PKP2: variants seen among roughly 807,000 people sequenced by gnomAD.
PKP2 encodes plakophilin-2.
A neutral mutation model predicts 83.4 loss-of-function variants in PKP2; 73 were observed. The ratio of observed to expected loss-of-function variants is 0.88; its 90% CI spans 0.72 to 1.06. The LOEUF (loss-of-function observed/expected upper bound fraction) is 1.06. Among genes scored for constraint, PKP2 ranks in the 50% least tolerant of loss-of-function variants. PKP2 has a pLI of 0.00. For synonymous variants in PKP2, 409 were observed against 430.4 expected, an observed-to-expected ratio of 0.95 and a Z score of 0.62; for missense variants, 966 against 1,065.4, an observed-to-expected ratio of 0.91 and a Z score of 1.30.
At chr12:32,795,346 T>G (rs1340687449) in intron 11 of PKP2, among the ~76,000 whole-genome samples, 1 of 151,924 alleles carries the variant, frequency 6.6e-6, no homozygotes, top group Non-Finnish European at 1.5e-5. Context: ...ACCCCCTGAC[T>G]GCTTCTCCTG....
chr12:32,890,674 A>C (rs1957069145), intron 1 of PKP2, among the ~76,000 whole-genome samples: 1 of 152,126 alleles, frequency 6.6e-6, no homozygotes, highest in South Asian at 2.1e-4. Context: ...GAAAAGATAC[A>C]CAGGCCGGGT....
chr12:32,797,027 A>G (rs1224539231), intron 10 of PKP2, among the ~76,000 whole-genome samples: 1 of 152,188 alleles, frequency 6.6e-6, no homozygotes, highest in Non-Finnish European at 1.5e-5. Context: ...TGATTAACTA[A>G]AACACACCTG....
intron 11 of PKP2, among the ~76,000 whole-genome samples, chr12:32,793,613 C>CTTTTTTTTTTTTTTTTT (rs35990527): frequency 1.8e-4 from 14 of 76,718 alleles, no homozygotes; most frequent in Non-Finnish European, 3.2e-4. Flanking sequence ...TCATATTCTG[C>CTTTTTTTTTTTTTTTTT]TTTTTTTTTT....
At position 32,841,602 on chromosome 12, in the gene PKP2, A is replaced by G. The variant is rs151048030; in HGVS notation, c.1379-397T>C. Among the ~76,000 whole-genome samples, 186 of 152,262 alleles carry G rather than the reference A, an allele frequency of 1.2e-3. 2 individuals are homozygous for G. The highest frequency in any genetic ancestry group is 4.3e-3 in the African/African-American group (177 of 41,560). On this transcript the variant is annotated intron_variant, in intron 5 of 12. Transcript: ENST00000340811. ...GTCCTATTGTAACTAAAACTTCAACATTTTTAAAGAGTCATATTTTTTTCT... is the reference window on the plus strand; with the variant it reads ...GTCCTATTGTAACTAAAACTTCAACGTTTTTAAAGAGTCATATTTTTTTCT...
At chr12:32,821,238 G>A in intron 9 of PKP2, 118 bp downstream of exon 9, 2 of 953,198 alleles carry the variant, frequency 2.1e-6, no homozygotes, top group East Asian at 2.6e-5. Flanking sequence ...TCTGAGAATT[G>A]TCTTTACTAA....
In PKP2 at chr12:32,869,360, G is replaced by A. The variant is rs532325656; in HGVS notation, c.1035-298C>T. Among the ~76,000 whole-genome samples, 4 of 152,108 alleles carry A rather than the reference G, an allele frequency of 2.6e-5. No individual in the cohort carries two copies. The East Asian group carries it at 5.8e-4, about 22-fold the overall frequency. ...AAATAAATATGAGGCTGAGGTGGGCGGATCACTTGAGGTCAGGAGTTCAAG... is the reference window on the plus strand; with the variant it reads ...AAATAAATATGAGGCTGAGGTGGGCAGATCACTTGAGGTCAGGAGTTCAAG... On this transcript the variant is annotated intron_variant, in intron 3 of 12. Coordinates refer to ENST00000340811, the MANE Select transcript of PKP2 (RefSeq NM_001005242.3).
At chr12:32,880,958 G>C (rs993819410) in intron 1 of PKP2, among the ~76,000 whole-genome samples, 1 of 152,152 alleles carries the variant, frequency 6.6e-6, no homozygotes, top group African/African-American at 2.4e-5. Flanking sequence ...CTAGGCTTCA[G>C]AGACTCATGA....
chr12:32,878,872 T>G (rs181547122), intron 2 of PKP2, 48 bp downstream of exon 2: 9 of 981,978 alleles, frequency 9.2e-6, no homozygotes, highest in Admixed American at 8.5e-5. Flanking sequence ...TGAAAATATT[T>G]TCATGGTAGT....
chr12:32,865,089 T>G (rs1956834872), intron 4 of PKP2, among the ~76,000 whole-genome samples: 1 of 152,140 alleles, frequency 6.6e-6, no homozygotes, highest in African/African-American at 2.4e-5. Flanking sequence ...AAAATAATCT[T>G]ACAGGCTGGG....
chr12:32,829,068 T>G (rs1956472238), intron 6 of PKP2, among the ~76,000 whole-genome samples: 1 of 152,040 alleles, frequency 6.6e-6, no homozygotes, highest in African/African-American at 2.4e-5. Context: ...TCTGAGTAGG[T>G]GCGACTATAG....
At chr12:32,852,558 C>T (rs1191102209) in intron 4 of PKP2, among the ~76,000 whole-genome samples, 2 of 152,140 alleles carry the variant, frequency 1.3e-5, no homozygotes, top group Admixed American at 6.6e-5. Context: ...CATTAAGAAG[C>T]GTCAGTATAA....
In PKP2 at chr12:32,877,893, A is replaced by C. The variant is rs1592763030; in HGVS notation, c.987T>G (p.Ser329Arg). ...LTVGQAAAGG[S>R]GNLLTERSTF... ...TGCTTCTCTCAGTGAGCAGATTCCC[A>C]CTTCCCCCTGCGGCCGCCTGGCCGA... The change falls in exon 3 of 13, where the codon AGT becomes AGG. Residue 329 changes from serine (S) to arginine (R), a missense_variant. Transcript: ENST00000340811. 3 of 1,614,088 alleles carry C rather than the reference A, an allele frequency of 1.9e-6. No individual in the cohort carries two copies. The highest frequency in any genetic ancestry group is 2.2e-5 in the South Asian group (2 of 91,090).
intron 9 of PKP2, 165 bp downstream of exon 9, chr12:32,821,191 G>C: frequency 1.5e-6 from 1 of 657,014 alleles, no homozygotes; most frequent in Non-Finnish European, 2.7e-6. Flanking sequence ...AGCCTGACTT[G>C]ACTTTGCATA....
chr12:32,826,952 C>T (rs1956447758), intron 6 of PKP2, among the ~76,000 whole-genome samples: 1 of 152,246 alleles, frequency 6.6e-6, no homozygotes, highest in Non-Finnish European at 1.5e-5. Context: ...AGCTAGCATT[C>T]ATTCAGTCTG....
chr12:32,892,315 C>CT (rs375237005), intron 1 of PKP2, among the ~76,000 whole-genome samples: 20,998 of 137,352 alleles, frequency 0.15, 1,893 homozygotes, highest in Non-Finnish European at 0.19. Context: ...CCAGAATTCA[C>CT]TTTTTTTTTT....
intron 7 of PKP2, among the ~76,000 whole-genome samples, chr12:32,823,610 CTTT>C (rs11355324): frequency 7.2e-5 from 10 of 138,942 alleles, no homozygotes; most frequent in Non-Finnish European, 6.3e-5. Context: ...TTTAATATTT[CTTT>C]TTTTTTTTTT....
intron 9 of PKP2, chr12:32,821,140 T>A: frequency 1.8e-6 from 1 of 554,326 alleles, no homozygotes; most frequent in Non-Finnish European, 3.2e-6. Flanking sequence ...GATTCTGAGA[T>A]CTGTAACTGA....
At chr12:32,845,176 C>A (rs1309592573) in intron 5 of PKP2, among the ~76,000 whole-genome samples, 1 of 152,134 alleles carries the variant, frequency 6.6e-6, no homozygotes, top group Non-Finnish European at 1.5e-5. Flanking sequence ...CTCCATTAGC[C>A]AGAAATTTAC....
rs1014401016 is a variant in PKP2 at position 32,790,799 on chromosome 12, A to G, written c.*1625T>C. 1 of 152,186 alleles carries G rather than the reference A, an allele frequency of 6.6e-6. No individual in the cohort carries two copies. Among genetic ancestry groups the G allele is most frequent in the African/African-American group, 2.4e-5 (1 of 41,452 alleles). 9.4% of individuals were successfully genotyped at this position (152,186 alleles called of 1,614,324 possible). ...GAAGGCTTTATTAATGCCTTAAAAA[A>G]CACAAAAAGTTCTGAACACACATTT... On this transcript the variant is annotated 3_prime_UTR_variant, in exon 13 of 13. Transcript: ENST00000340811.
Sources: allele counts gnomAD v4.1 joint callset (sites outside exome capture counted in the v4.1 genomes callset), GRCh38; gene constraint gnomAD v4.1.1; transcripts MANE v1.5; gene names NCBI Gene and HGNC (gene_info 2026-07-23, HGNC 2026-07-21).